Variants in JAZF1 observed in about 807,000 individuals in gnomAD.
JAZF1 encodes the protein JAZF zinc finger 1.
Under a neutral mutation model 26.4 loss-of-function variants are expected in JAZF1, and 8 were observed. The ratio of observed to expected loss-of-function variants is 0.30; its 90% CI spans 0.18 to 0.55. The LOEUF (loss-of-function observed/expected upper bound fraction) is 0.55, where lower values mean the gene tolerates loss of function less well. Among genes scored for constraint, JAZF1 ranks in the 20% least tolerant of loss-of-function variants. JAZF1 has a pLI of 0.94. For synonymous variants in JAZF1, 126 were observed against 122.3 expected (o/e 1.03, Z -0.20); for missense variants, 199 against 322.0 (o/e 0.62, Z 2.92).
intron 2 of JAZF1, among the ~76,000 whole-genome samples, chr7:27,924,327 C>A (rs943448623): frequency 6.6e-6 from 1 of 152,170 alleles, no homozygotes; most frequent in African/African-American, 2.4e-5. Context: ...CCACCCGCCT[C>A]GGCCTCCTAA....
intron 1 of JAZF1, among the ~76,000 whole-genome samples, chr7:28,147,156 A>ATT (rs11455969): frequency 1.2e-4 from 18 of 151,188 alleles, no homozygotes; most frequent in Admixed American, 6.6e-4. Flanking sequence ...CAGAATTCTG[A>ATT]TTTTTTTTGG....
At chr7:27,860,622 A>G (rs1333324548) in intron 3 of JAZF1, among the ~76,000 whole-genome samples, 2 of 152,216 alleles carry the variant, frequency 1.3e-5, no homozygotes, top group Non-Finnish European at 2.9e-5. Context: ...TTAGGTGAGT[A>G]CTAAGATTAT....
intron 2 of JAZF1, among the ~76,000 whole-genome samples, chr7:27,926,786 G>A (rs1784606691): frequency 6.6e-6 from 1 of 152,150 alleles, no homozygotes; most frequent in Non-Finnish European, 1.5e-5. Context: ...TCTCAGGCTG[G>A]GGCTCTTCCC....
chr7:28,114,283 T>G lies in JAZF1; in HGVS notation c.115+66180A>C, dbSNP rs1012749331. Among the ~76,000 whole-genome samples, 3 of 152,142 alleles carry G rather than the reference T, an allele frequency of 2.0e-5. No homozygotes were observed. The South Asian group carries it at 6.2e-4, about 31-fold the overall frequency. ...TTTACCTTCTGCAAACGCAGGCACC[T>G]GGCCAGCCTGGAGAATTCTGCTCTC... On this transcript the variant is annotated intron_variant, in intron 1 of 4. Transcript: ENST00000283928.
chr7:28,086,628 G>T (rs1296038482), intron 1 of JAZF1, among the ~76,000 whole-genome samples: 2 of 152,192 alleles, frequency 1.3e-5, no homozygotes, highest in Non-Finnish European at 2.9e-5. Flanking sequence ...TAAAATTGAT[G>T]CATGAAAGAA....
chr7:28,159,859 A>C (rs561810339), intron 1 of JAZF1, among the ~76,000 whole-genome samples: 1 of 152,318 alleles, frequency 6.6e-6, no homozygotes, highest in African/African-American at 2.4e-5. Context: ...GTGCCTGAAC[A>C]ATTTTTTAAA....
intron 1 of JAZF1, among the ~76,000 whole-genome samples, chr7:28,152,595 A>T (rs1342389783): frequency 6.6e-6 from 1 of 152,258 alleles, no homozygotes. Flanking sequence ...AAGGCCATAT[A>T]AGTAATAACA....
intron 2 of JAZF1, among the ~76,000 whole-genome samples, chr7:27,981,173 A>G (rs536718791): frequency 6.6e-6 from 1 of 152,294 alleles, no homozygotes; most frequent in African/African-American, 2.4e-5. Flanking sequence ...TGATCTGTCA[A>G]ATTCCATATT....
chr7:28,053,228 A>G (rs1449052690), intron 1 of JAZF1, among the ~76,000 whole-genome samples: 1 of 152,196 alleles, frequency 6.6e-6, no homozygotes, highest in Non-Finnish European at 1.5e-5. Context: ...CTGCTGATGG[A>G]TACTTGGGTT....
At chr7:28,106,539 AG>A (rs1784556116) in intron 1 of JAZF1, among the ~76,000 whole-genome samples, 1 of 152,210 alleles carries the variant, frequency 6.6e-6, no homozygotes, top group South Asian at 2.1e-4. Flanking sequence ...GAAGAAACAC[AG>A]GATCACCTTC....
At chr7:27,951,969 T>C (rs549953219) in intron 2 of JAZF1, among the ~76,000 whole-genome samples, 2 of 152,298 alleles carry the variant, frequency 1.3e-5, no homozygotes, top group East Asian at 3.9e-4. Flanking sequence ...TACAAAAGCC[T>C]ACTCTTTGAG....
At chr7:28,145,718 T>TAAA (rs576911852) in intron 1 of JAZF1, among the ~76,000 whole-genome samples, 10 of 146,472 alleles carry the variant, frequency 6.8e-5, no homozygotes, top group African/African-American at 1.7e-4. Flanking sequence ...ACCACCACAA[T>TAAA]AAAAAAAAAA....
At chr7:27,946,534 T>C (rs1784926639) in intron 2 of JAZF1, among the ~76,000 whole-genome samples, 1 of 152,208 alleles carries the variant, frequency 6.6e-6, no homozygotes, top group Non-Finnish European at 1.5e-5. Flanking sequence ...TCCTTGAAGT[T>C]TTGGAGTACT....
intron 3 of JAZF1, among the ~76,000 whole-genome samples, chr7:27,880,842 G>A (rs965059013): frequency 6.6e-6 from 1 of 152,042 alleles, no homozygotes; most frequent in Non-Finnish European, 1.5e-5. Flanking sequence ...TTTAAAAACA[G>A]TTATTTGCAG....
intron 2 of JAZF1, among the ~76,000 whole-genome samples, chr7:27,959,367 A>G (rs1785151998): frequency 1.3e-5 from 2 of 152,098 alleles, no homozygotes; most frequent in Non-Finnish European, 1.5e-5. Flanking sequence ...CCTCCATGAA[A>G]CTTCTCTGAT....
At chr7:28,099,298 T>TA (rs1472017709) in intron 1 of JAZF1, among the ~76,000 whole-genome samples, 15 of 151,928 alleles carry the variant, frequency 9.9e-5, no homozygotes, top group East Asian at 9.7e-4. Flanking sequence ...TCAGTCTGAC[T>TA]AAAAAAAATT....
chr7:27,968,891 G>A (rs149760160), intron 2 of JAZF1, among the ~76,000 whole-genome samples: 2 of 152,014 alleles, frequency 1.3e-5, no homozygotes, highest in Non-Finnish European at 2.9e-5. Context: ...CAGCTAATTT[G>A]CTCCAAATGA....
intron 1 of JAZF1, among the ~76,000 whole-genome samples, chr7:28,122,487 T>G (rs1782620449): frequency 6.6e-6 from 1 of 152,048 alleles, no homozygotes; most frequent in Non-Finnish European, 1.5e-5. Context: ...TCTCCTGGCT[T>G]GAGCTGAAAT....
intron 1 of JAZF1, among the ~76,000 whole-genome samples, chr7:28,119,296 A>G (rs951182185): frequency 6.6e-6 from 1 of 152,088 alleles, no homozygotes; most frequent in African/African-American, 2.4e-5. Flanking sequence ...CCCTTATATC[A>G]TATCTAAGTA....
Sources: allele counts gnomAD v4.1 joint callset (sites outside exome capture counted in the v4.1 genomes callset), GRCh38; gene constraint gnomAD v4.1.1; transcripts MANE v1.5; gene names NCBI Gene and HGNC (gene_info 2026-07-23, HGNC 2026-07-21).